The following HYCC2 variants were observed in gnomAD, a reference collection of about 807,000 sequenced individuals.
HYCC2 encodes hyccin 2.
chr2:200,997,345 G>T, the HYCC2 span: 1 of 795,526 alleles, frequency 1.3e-6, no homozygotes, highest in South Asian at 1.7e-5. Context: ...TTTGTTTACT[G>T]CTGTAATACC....
At chr2:201,027,356 C>T in the HYCC2 span, among the ~76,000 whole-genome samples, 3 of 152,058 alleles carry the variant, frequency 2.0e-5, no homozygotes, top group African/African-American at 4.8e-5. Context: ...CAGGACCAGA[C>T]GGATTCACAG....
At chr2:201,062,324 GC>G in the HYCC2 span, among the ~76,000 whole-genome samples, 1 of 151,950 alleles carries the variant, frequency 6.6e-6, no homozygotes, top group South Asian at 2.1e-4. Context: ...TTCAAGACCA[GC>G]CTGGCCAACA....
At chr2:201,045,753 C>A in the HYCC2 span, among the ~76,000 whole-genome samples, 1 of 152,034 alleles carries the variant, frequency 6.6e-6, no homozygotes, top group Non-Finnish European at 1.5e-5. Flanking sequence ...TACTTGTATA[C>A]CTTTATCAAA....
At chr2:200,992,147 T>C in the HYCC2 span, 2 of 604,856 alleles carry the variant, frequency 3.3e-6, no homozygotes, top group Non-Finnish European at 5.9e-6. Context: ...TATTTTGTTT[T>C]TTCTCTAACA....
At chr2:201,056,684 A>AG in the HYCC2 span, among the ~76,000 whole-genome samples, 1 of 151,986 alleles carries the variant, frequency 6.6e-6, no homozygotes, top group Non-Finnish European at 1.5e-5. Flanking sequence ...CAAAAAAAAA[A>AG]AAAAAAAAAG....
the HYCC2 span, among the ~76,000 whole-genome samples, chr2:201,048,506 AT>A: frequency 5.5e-3 from 785 of 141,686 alleles, 4 homozygotes; most frequent in East Asian, 0.02. Flanking sequence ...TTTTTTTGCA[AT>A]TTTTTTTTTT....
the HYCC2 span, among the ~76,000 whole-genome samples, chr2:200,984,905 G>A: frequency 6.6e-6 from 1 of 152,186 alleles, no homozygotes; most frequent in South Asian, 2.1e-4. Flanking sequence ...TTGAGCCTGG[G>A]AGTTCAAGAC....
At chr2:201,017,079 A>G in the HYCC2 span, 13 of 1,614,092 alleles carry the variant, frequency 8.1e-6, no homozygotes, top group Non-Finnish European at 1.1e-5. Flanking sequence ...AACCCACATC[A>G]ATTCTGGCAA....
the HYCC2 span, among the ~76,000 whole-genome samples, chr2:200,995,413 C>T: frequency 5.3e-5 from 8 of 152,228 alleles, no homozygotes; most frequent in East Asian, 9.7e-4. Context: ...CCCTTCAGCA[C>T]GGGTGGGATC....
the HYCC2 span, chr2:200,996,965 T>TG: frequency 6.6e-6 from 1 of 152,386 alleles, no homozygotes; most frequent in Non-Finnish European, 1.5e-5. Context: ...GCTGAAAACA[T>TG]TTTCAAGAAT....
At chr2:201,028,828 G>T in the HYCC2 span, among the ~76,000 whole-genome samples, 3 of 152,178 alleles carry the variant, frequency 2.0e-5, no homozygotes, top group Admixed American at 1.3e-4. Flanking sequence ...ATGGATTAAA[G>T]ACTTAAATGT....
chr2:201,025,923 G>C, the HYCC2 span, among the ~76,000 whole-genome samples: 1 of 151,840 alleles, frequency 6.6e-6, no homozygotes, highest in East Asian at 1.9e-4. Context: ...AAATTAGCTG[G>C]GTGCGCTAAT....
chr2:200,995,348 T>C, the HYCC2 span, among the ~76,000 whole-genome samples: 1 of 152,320 alleles, frequency 6.6e-6, no homozygotes, highest in East Asian at 1.9e-4. Context: ...GACAGACTCT[T>C]GGAGAGCCAT....
the HYCC2 span, among the ~76,000 whole-genome samples, chr2:201,031,830 TTTC>T: frequency 1.3e-5 from 2 of 152,204 alleles, no homozygotes. Flanking sequence ...TTGCATGCCT[TTTC>T]TTGTTTCTGT....
the HYCC2 span, among the ~76,000 whole-genome samples, chr2:201,069,129 G>A: frequency 1.3e-5 from 2 of 152,122 alleles, no homozygotes; most frequent in Non-Finnish European, 1.5e-5. Flanking sequence ...ACTCAGTCAA[G>A]CTGAAAATTT....
At chr2:201,014,373 G>C in the HYCC2 span, among the ~76,000 whole-genome samples, 1 of 152,052 alleles carries the variant, frequency 6.6e-6, no homozygotes, top group African/African-American at 2.4e-5. Context: ...AGGCAAGTTA[G>C]GAAAGTAGAG....
At chr2:200,997,186 C>G in the HYCC2 span, 1 of 273,026 alleles carries the variant, frequency 3.7e-6, no homozygotes, top group East Asian at 7.6e-5. Flanking sequence ...GCCAAGAAGG[C>G]TGAGGGCACA....
At chr2:201,022,270 G>A in the HYCC2 span, among the ~76,000 whole-genome samples, 3 of 152,236 alleles carry the variant, frequency 2.0e-5, no homozygotes, top group Non-Finnish European at 2.9e-5. Flanking sequence ...TTCAATAACT[G>A]TACTTTTTCC....
chr2:201,017,249 T>C, the HYCC2 span: 3 of 1,024,236 alleles, frequency 2.9e-6, no homozygotes, highest in Admixed American at 2.8e-5. Context: ...AAGGCACCTA[T>C]ATCTGTATAA....
Sources: allele counts gnomAD v4.1 joint callset (sites outside exome capture counted in the v4.1 genomes callset), GRCh38; gene constraint gnomAD v4.1.1; transcripts MANE v1.5; gene names NCBI Gene and HGNC (gene_info 2026-07-23, HGNC 2026-07-21).